Variants in ZNF618 observed in about 807,000 individuals in gnomAD.
ZNF618 encodes the protein neural precursor cell expressed, developmentally down-regulated 10.
Under a neutral mutation model 103.0 loss-of-function variants are expected in ZNF618, and 34 were observed. The observed-to-expected ratio is 0.33, with a 90% CI of 0.25 to 0.44. The LOEUF (loss-of-function observed/expected upper bound fraction) is 0.44, where lower values mean the gene tolerates loss of function less well. Among genes scored for constraint, ZNF618 ranks in the 20% least tolerant of loss-of-function variants. ZNF618 has a pLI of 1.00. For synonymous variants in ZNF618, 551 were observed against 542.2 expected, an observed-to-expected ratio of 1.02 and a Z score of -0.23; for missense variants, 1,059 against 1,295.4, an observed-to-expected ratio of 0.82 and a Z score of 2.80.
intron 13 of ZNF618, among the ~76,000 whole-genome samples, chr9:114,043,623 A>G (rs531167546): frequency 1.2e-4 from 19 of 152,312 alleles, no homozygotes; most frequent in African/African-American, 4.6e-4. Context: ...AGGAACCTCC[A>G]CGCTGTTTTC....
intron 1 of ZNF618, among the ~76,000 whole-genome samples, chr9:113,923,939 T>C (rs1307856793): frequency 6.6e-6 from 1 of 152,082 alleles, no homozygotes; most frequent in African/African-American, 2.4e-5. Flanking sequence ...TTGAGTATCA[T>C]CTTGGCAGTC....
In ZNF618 at chr9:113,923,219, A is replaced by C. The variant is rs1186612433; in HGVS notation, c.34-45898A>C. Among the ~76,000 whole-genome samples, 3 of 152,168 alleles carry C rather than the reference A, an allele frequency of 2.0e-5. No homozygotes were observed. In the South Asian group the frequency reaches 6.2e-4, roughly 31 times the overall value. ...TGGGATTTTCTATATGGACAATCATATTATCTGTGAATAAAGAAATTTTTT... is the reference window on the plus strand; with the variant it reads ...TGGGATTTTCTATATGGACAATCATCTTATCTGTGAATAAAGAAATTTTTT... On this transcript the variant is annotated intron_variant, in intron 1 of 14. Transcript: ENST00000374126.
rs558281456 is a variant in ZNF618 at position 113,913,200 on chromosome 9, C to T, written c.33+36787C>T. Among the ~76,000 whole-genome samples the T allele has an allele frequency of 2.0e-5, 3 of 152,196 alleles. No homozygotes were observed. In the East Asian group the frequency reaches 5.8e-4, roughly 29 times the overall value. ...CCCCTAGAATCTCACTCAGTGCCCA[C>T]CTGCCCACACGCAGGGAGGTGGTAT... is the stretch of plus-strand genomic sequence containing the variant. On this transcript the variant is annotated intron_variant, in intron 1 of 14. Coordinates refer to ENST00000374126, the MANE Select transcript of ZNF618 (RefSeq NM_001318042.2).
rs372177190 is a variant in ZNF618, at chr9:113,988,552, C to T, written c.309C>T (p.Ile103=). ...SDVPAEICVV[I]GGVRNQQTLD... is the part of the protein sequence containing the mutation. ...TGCCTGCCGAGATCTGCGTGGTGAT[C>T]GGCGGCGTCCGCAACCAGCAGACCC... The change falls in exon 3 of 15, where the codon ATC becomes ATT. Residue 103 remains isoleucine, a synonymous_variant. Transcript: ENST00000374126. The T allele has an allele frequency of 5.5e-5, 88 of 1,609,902 alleles. 1 individual carries two copies. The East Asian group carries it at 8.9e-4, about 16-fold the overall frequency.
intron 13 of ZNF618, among the ~76,000 whole-genome samples, chr9:114,046,401 A>C (rs1845658620): frequency 6.6e-6 from 1 of 152,190 alleles, no homozygotes; most frequent in Non-Finnish European, 1.5e-5. Context: ...ACAGTAACGC[A>C]CTGTACAGGT....
intron 10 of ZNF618, among the ~76,000 whole-genome samples, chr9:114,027,617 T>G (rs1190132421): frequency 1.3e-5 from 2 of 152,208 alleles, no homozygotes; most frequent in Non-Finnish European, 2.9e-5. Context: ...GTGCCAGGAA[T>G]GAGCAGAGGT....
chr9:114,050,329 C>G lies in ZNF618; in HGVS notation c.*162C>G. On this transcript the variant is annotated 3_prime_UTR_variant, in exon 15 of 15. Transcript: ENST00000374126. The stretch of plus-strand genomic sequence containing the variant: ...TGCTTTTTTTATATGTGTGTGTGTG[C>G]GTGTATGTACACAGCCACACGTGTG... 1.3e-6 allele frequency: 1 copy of G among 770,464 alleles called. No individual in the cohort carries two copies. 47.7% of individuals were successfully genotyped at this position (770,464 alleles called of 1,614,324 possible).
chr9:113,998,343 G>C lies in ZNF618; in HGVS notation c.422G>C (p.Arg141Thr), dbSNP rs1436984320. The C allele has an allele frequency of 2.6e-6, 4 of 1,550,390 alleles. No homozygotes were observed. In the African/African-American group the frequency reaches 5.5e-5, roughly 21 times the overall value. The change falls in exon 4 of 15, where the codon AGA becomes ACA. Residue 141 changes from arginine to threonine, a missense_variant. Arg to Thr is a moderately conservative substitution (Grantham distance 71, BLOSUM62 -1). Coordinates refer to ENST00000374126, the MANE Select transcript of ZNF618 (RefSeq NM_001318042.2). ...ACCTGGATTTTTGACCAAGCATTGAGATATGCATCTGGTACGTGATGGCCA... is the reference window on the plus strand; with the variant it reads ...ACCTGGATTTTTGACCAAGCATTGACATATGCATCTGGTACGTGATGGCCA... ...SGTWIFDQAL[R>T]YASGSYECGI...
At chr9:113,942,890 T>A (rs562288647) in intron 1 of ZNF618, among the ~76,000 whole-genome samples, 1 of 152,308 alleles carries the variant, frequency 6.6e-6, no homozygotes, top group East Asian at 1.9e-4. Context: ...GGTGGTTACA[T>A]GGTTCAGAGT....
chr9:113,935,531 G>T (rs1022958827), intron 1 of ZNF618, among the ~76,000 whole-genome samples: 1 of 152,120 alleles, frequency 6.6e-6, no homozygotes, highest in Non-Finnish European at 1.5e-5. Flanking sequence ...GTTGCGGGTC[G>T]TGTCACTCCA....
chr9:113,993,989 A>C (rs1840322485), intron 3 of ZNF618, among the ~76,000 whole-genome samples: 1 of 152,218 alleles, frequency 6.6e-6, no homozygotes, highest in South Asian at 2.1e-4. Context: ...CCGTCCTGAC[A>C]TAGGTGATCA....
intron 6 of ZNF618, among the ~76,000 whole-genome samples, chr9:114,005,370 G>A (rs1383717963): frequency 6.6e-6 from 1 of 152,182 alleles, no homozygotes; most frequent in Non-Finnish European, 1.5e-5. Flanking sequence ...ATCATTTCCT[G>A]ACTGACGAAG....
At chr9:114,018,434 G>A (rs1842814576) in intron 10 of ZNF618, among the ~76,000 whole-genome samples, 2 of 152,286 alleles carry the variant, frequency 1.3e-5, no homozygotes, top group Non-Finnish European at 2.9e-5. Context: ...TACCCAGAAT[G>A]CACTTTCAGT....
In ZNF618 at chr9:114,008,537, T is replaced by C; in HGVS notation, c.737T>C (p.Phe246Ser). 1 of 1,613,932 alleles carries C rather than the reference T, an allele frequency of 6.2e-7. No individual in the cohort carries two copies. Among genetic ancestry groups the C allele is most frequent in the Non-Finnish European group, 8.5e-7 (1 of 1,179,854 alleles). The change falls in exon 9 of 15, where the codon TTC (phenylalanine) becomes TCC (serine). Residue 246 changes from phenylalanine to serine, a missense_variant. Phe to Ser is a radical substitution (Grantham distance 155, BLOSUM62 -2). Around this residue, in one of 6 missense-constraint regions of ZNF618, gnomAD observed 434 missense variants for 476.0 expected, o/e 0.91. Transcript: ENST00000374126. The stretch of plus-strand genomic sequence containing the variant: ...GTGAAGGAGGAGCCCCCGGAGCCAT[T>C]CCAGAAAATCGGGCCAAGTATGCGG... ...DEVKEEPPEP[F>S]QKIGPKTGNY... is the part of the protein sequence containing the mutation.
intron 13 of ZNF618, among the ~76,000 whole-genome samples, chr9:114,043,028 T>C (rs995955085): frequency 6.6e-6 from 1 of 152,234 alleles, no homozygotes; most frequent in Non-Finnish European, 1.5e-5. Flanking sequence ...TTAACATACT[T>C]TTGAGGTTTG....
chr9:113,925,216 T>G (rs925720169), intron 1 of ZNF618, among the ~76,000 whole-genome samples: 14 of 152,094 alleles, frequency 9.2e-5, no homozygotes, highest in African/African-American at 3.4e-4. Context: ...TTCTTATGTC[T>G]TCTTGGAGAA....
intron 10 of ZNF618, among the ~76,000 whole-genome samples, chr9:114,019,046 A>G (rs1234419934): frequency 4.6e-5 from 7 of 152,246 alleles, no homozygotes; most frequent in South Asian, 2.1e-4. Flanking sequence ...GTGAGTGTCC[A>G]TAAGGACATA....
chr9:113,983,540 CAG>C (rs1267351335), intron 2 of ZNF618, among the ~76,000 whole-genome samples: 1 of 152,156 alleles, frequency 6.6e-6, no homozygotes, highest in Non-Finnish European at 1.5e-5. Context: ...TGAACTCAGT[CAG>C]GAATCTGGCT....
At chr9:113,888,442 G>A (rs946206196) in intron 1 of ZNF618, among the ~76,000 whole-genome samples, 1 of 152,240 alleles carries the variant, frequency 6.6e-6, no homozygotes, top group Non-Finnish European at 1.5e-5. Context: ...TTAATACCAC[G>A]TTTGAAAACA....
Sources: allele counts gnomAD v4.1 joint callset (sites outside exome capture counted in the v4.1 genomes callset), GRCh38; gene constraint gnomAD v4.1.1; regional missense constraint gnomAD v4.1.1; transcripts MANE v1.5; gene names NCBI Gene and HGNC (gene_info 2026-07-23, HGNC 2026-07-21).